UGT1A6: variants seen among roughly 807,000 people sequenced by gnomAD.
UGT1A6 encodes the protein UDP glucuronosyltransferase family 1 member A6, also known as UDP-glucuronosyltransferase 1A6.
Under a neutral mutation model 44.4 loss-of-function variants are expected in UGT1A6, and 32 were observed. The observed-to-expected ratio is 0.72, with a 90% CI of 0.54 to 0.97. The LOEUF (loss-of-function observed/expected upper bound fraction) is 0.97. Ranked by LOEUF, UGT1A6 falls within the 50% of genes least tolerant of loss-of-function variation. The pLI is 0.00. For missense variants in UGT1A6, 685 were observed against 661.9 expected, an observed-to-expected ratio of 1.03 and a Z score of -0.38; for synonymous variants, 238 against 248.5, an observed-to-expected ratio of 0.96 and a Z score of 0.40.
At chr2:233,753,903 T>TA in intron 1 of UGT1A6, among the ~76,000 whole-genome samples, 1 of 152,344 alleles carries the variant, frequency 6.6e-6, no homozygotes, top group East Asian at 1.9e-4. Flanking sequence ...ACATGCTTCT[T>TA]ACACCGATTT....
chr2:233,772,307 C>G lies in UGT1A6; in HGVS notation c.1347C>G (p.Arg449=), dbSNP rs1321809873. The G allele has an allele frequency of 6.2e-7, 1 of 1,614,232 alleles. No homozygotes were observed. The highest frequency in any genetic ancestry group is 1.7e-5 in the Admixed American group (1 of 60,028). Residue 449 remains arginine (R), a synonymous_variant, in exon 5 of 5, where the codon CGC becomes CGG. Coordinates refer to ENST00000305139, the MANE Select transcript of UGT1A6 (RefSeq NM_001072.4). ...IMRLSSLHKD[R]PVEPLDLAVF... ...GCCTCTCCAGCCTTCACAAGGACCGCCCGGTGGAGCCGCTGGACCTGGCCG... is the reference window on the plus strand; with the variant it reads ...GCCTCTCCAGCCTTCACAAGGACCGGCCGGTGGAGCCGCTGGACCTGGCCG...
In UGT1A6 at chr2:233,756,140, C is replaced by T. The variant is rs565288729; in HGVS notation, c.862-10894C>T. 16 of 152,332 alleles carry T rather than the reference C, an allele frequency of 1.1e-4. No homozygotes were observed. The East Asian group carries it at 1.3e-3, about 13-fold the overall frequency. 9.4% of individuals were successfully genotyped at this position (152,332 alleles called of 1,614,324 possible). On this transcript the variant is annotated intron_variant, in intron 1 of 4. Coordinates refer to ENST00000305139, the MANE Select transcript of UGT1A6 (RefSeq NM_001072.4). ...TTTGTAAAATTCTCCTGAAAAATTA[C>T]TGGGGATCCCTAGGATTTCCTGGCT...
chr2:233,735,677 C>A (rs1321375160), intron 1 of UGT1A6, among the ~76,000 whole-genome samples: 1 of 152,088 alleles, frequency 6.6e-6, no homozygotes. Context: ...TTAGTGCTTC[C>A]TTTAGGAGCT....
At chr2:233,765,693 AAATAATAATAATAATAATT>A (rs1698909746) in intron 1 of UGT1A6, among the ~76,000 whole-genome samples, 1 of 147,312 alleles carries the variant, frequency 6.8e-6, no homozygotes, top group East Asian at 2.0e-4. Flanking sequence ...AACTTCAAGT[AAATAATAATAATAATAATT>A]AATAATAATA....
Position 233,731,393 on chromosome 2 carries a change from G to A in UGT1A6, c.862-35641G>A, listed in dbSNP as rs558248956. Among the ~76,000 whole-genome samples the A allele has an allele frequency of 1.5e-3, 233 of 151,488 alleles. 2 individuals are homozygous for A. Among genetic ancestry groups the A allele is most frequent in the African/African-American group, 5.3e-3 (218 of 41,268 alleles). On this transcript the variant is annotated intron_variant, in intron 1 of 4. Coordinates refer to ENST00000305139, the MANE Select transcript of UGT1A6 (RefSeq NM_001072.4). ...GTTGGTTTCCTGCACCCACCAACTC[G>A]TCATTTACATTAGGTATTTTTCCTA...
chr2:233,755,029 T>TGCC (rs1403336975), intron 1 of UGT1A6: 1 of 1,312,020 alleles, frequency 7.6e-7, no homozygotes, highest in Admixed American at 1.9e-5. Flanking sequence ...TTGAAGGGCC[T>TGCC]GCCGCCTGCG....
At position 233,769,612 on chromosome 2, in the gene UGT1A6, G is replaced by A. The variant is rs1699905681; in HGVS notation, c.1301+1173G>A. ...GGAGACGGAACACGGGGACACACCA[G>A]CTTGAGCAAGGGACAACAGGGGAGG... On this transcript the variant is annotated intron_variant, in intron 4 of 4. Transcript: ENST00000305139. This position sits in a 1 kb window ranked among gnomAD's most constrained non-coding sequence, Gnocchi z 4.4. 1 of 1,612,734 alleles carries A rather than the reference G, an allele frequency of 6.2e-7. No homozygotes were observed. The highest frequency in any genetic ancestry group is 8.5e-7 in the Non-Finnish European group (1 of 1,179,852).
Position 233,769,524 on chromosome 2 carries a change from C to T in UGT1A6, c.1301+1085C>T. On this transcript the variant is annotated intron_variant, in intron 4 of 4. Coordinates refer to ENST00000305139, the MANE Select transcript of UGT1A6 (RefSeq NM_001072.4). The surrounding 1 kb of genome is among the most constrained non-coding windows in gnomAD (Gnocchi z 4.4). ...CCATTGCTTTCTCCCATGGTTACCT[C>T]CTTTAGAAAGAAGCAGCAGTCAGGA... 1 of 1,612,860 alleles carries T rather than the reference C, an allele frequency of 6.2e-7. No homozygotes were observed.
intron 1 of UGT1A6, among the ~76,000 whole-genome samples, chr2:233,696,048 T>C (rs1001404961): frequency 3.9e-5 from 6 of 152,132 alleles, no homozygotes; most frequent in Non-Finnish European, 7.4e-5. Context: ...ATTTGAAGAA[T>C]GTAAATTAGT....
At chr2:233,767,784 A>T in intron 2 of UGT1A6, 65 bp from the exon 3 acceptor site, 1 of 1,613,694 alleles carries the variant, frequency 6.2e-7, no homozygotes. Context: ...TAGTTAGTAT[A>T]GCAGATTTGT....
Position 233,743,587 on chromosome 2 carries a change from G to A in UGT1A6, c.862-23447G>A, listed in dbSNP as rs375891802. On this transcript the variant is annotated intron_variant, in intron 1 of 4. Transcript: ENST00000305139. ...GCGGGTTTCCCAAGAGGTCAAAGGA[G>A]AATGGGTCCTGGCCGCCGAAGAACT... The A allele has an allele frequency of 8.8e-6, 12 of 1,367,220 alleles. No individual in the cohort carries two copies. In the East Asian group the frequency reaches 1.4e-4, roughly 16 times the overall value. 84.7% of individuals were successfully genotyped at this position (1,367,220 alleles called of 1,614,324 possible).
chr2:233,726,116 T>C (rs1575565636), intron 1 of UGT1A6, among the ~76,000 whole-genome samples: 1 of 152,166 alleles, frequency 6.6e-6, no homozygotes, highest in East Asian at 1.9e-4. Flanking sequence ...CAGTGTGCCA[T>C]GTTCACACCA....
intron 1 of UGT1A6, among the ~76,000 whole-genome samples, chr2:233,762,064 C>A (rs574389899): frequency 1.3e-5 from 2 of 152,174 alleles, no homozygotes; most frequent in South Asian, 4.2e-4. Flanking sequence ...CATAGCACAT[C>A]AAATATGGCA....
At position 233,772,972 on chromosome 2, in the gene UGT1A6, C is replaced by A; in HGVS notation, c.*413C>A. The A allele has an allele frequency of 3.3e-6, 1 of 304,366 alleles. No homozygotes were observed. The highest frequency in any genetic ancestry group is 6.3e-6 in the Non-Finnish European group (1 of 158,956). 18.9% of individuals were successfully genotyped at this position (304,366 alleles called of 1,614,324 possible). On this transcript the variant is annotated 3_prime_UTR_variant, in exon 5 of 5. Transcript: ENST00000305139. ...CAGATGGTTGCAATTGATCCTTAAC[C>A]AATAATGGTCAGTCCTCATCTCTGT...
Position 233,713,202 on chromosome 2 carries a change from G to T in UGT1A6, c.861+19337G>T, listed in dbSNP as rs181492639. ...CCTGGAGGTGAATATGTACATCAAA[G>T]AAGAGAACTTTTTCACCCTGACAAC... On this transcript the variant is annotated intron_variant, in intron 1 of 4. Coordinates refer to ENST00000305139, the MANE Select transcript of UGT1A6 (RefSeq NM_001072.4). The T allele has an allele frequency of 1.5e-4, 250 of 1,614,240 alleles. 3 individuals carry two copies. The East Asian group carries it at 4.8e-3, about 31-fold the overall frequency.
At chr2:233,700,807 G>T (rs934184744) in intron 1 of UGT1A6, among the ~76,000 whole-genome samples, 3 of 151,808 alleles carry the variant, frequency 2.0e-5, no homozygotes, top group East Asian at 3.9e-4. Flanking sequence ...GTGCCATGTT[G>T]GTGTGCTGCA....
intron 1 of UGT1A6, among the ~76,000 whole-genome samples, chr2:233,765,985 G>A (rs1019803782): frequency 1.3e-5 from 2 of 152,120 alleles, no homozygotes; most frequent in Admixed American, 6.5e-5. Flanking sequence ...TACAGCTCCT[G>A]AAGCTCCAGT....
intron 1 of UGT1A6, among the ~76,000 whole-genome samples, chr2:233,732,898 G>T (rs1347576081): frequency 6.6e-6 from 1 of 151,914 alleles, no homozygotes; most frequent in Non-Finnish European, 1.5e-5. Context: ...AATTACCTTG[G>T]GCAGTATGGC....
intron 1 of UGT1A6, chr2:233,708,796 T>G (rs1300291034): frequency 6.6e-6 from 1 of 151,050 alleles, no homozygotes; most frequent in African/African-American, 2.4e-5. Context: ...ATCACTTTAT[T>G]TGGGCAACTT....
Sources: allele counts gnomAD v4.1 joint callset (sites outside exome capture counted in the v4.1 genomes callset), GRCh38; gene constraint gnomAD v4.1.1; non-coding constraint Gnocchi (gnomAD v3.1); transcripts MANE v1.5; gene names NCBI Gene and HGNC (gene_info 2026-07-23, HGNC 2026-07-21).